The following RNF150 variants were observed in gnomAD, a reference collection of about 807,000 sequenced individuals.
The protein encoded by RNF150 is ring finger protein 150.
In RNF150, 24 loss-of-function variants were observed where a neutral mutation model predicts 39.3. The ratio of observed to expected loss-of-function variants is 0.61; its 90% CI spans 0.44 to 0.86. RNF150 has a LOEUF of 0.86. Among genes scored for constraint, RNF150 ranks in the 40% least tolerant of loss-of-function variants. The pLI, the probability that RNF150 is intolerant of heterozygous loss-of-function variation, is 0.00. For synonymous variants in RNF150, 255 were observed against 227.3 expected (o/e 1.12, Z -1.10); for missense variants, 502 against 587.8 (o/e 0.85, Z 1.51).
chr4:140,925,668 G>A (rs906374155), intron 5 of RNF150, among the ~76,000 whole-genome samples: 1 of 152,256 alleles, frequency 6.6e-6, no homozygotes, highest in South Asian at 2.1e-4. Context: ...CTGGCCCGGG[G>A]TGTATCTGCT....
intron 6 of RNF150, among the ~76,000 whole-genome samples, chr4:140,905,581 T>G (rs957444304): frequency 1.3e-5 from 2 of 152,112 alleles, no homozygotes; most frequent in Non-Finnish European, 2.9e-5. Flanking sequence ...GTAAAGAAAT[T>G]GTCAATGAAC....
At position 140,931,922 on chromosome 4, in the gene RNF150, C is replaced by T. The variant is rs981610793; in HGVS notation, c.891-5849G>A. On this transcript the variant is annotated intron_variant, in intron 4 of 6. Transcript: ENST00000515673. ...TTCTTGTTTTCTGCTGTTCTTTCACCTATATGTGTGATTCCCTCCCCAATT... is the reference window on the plus strand; with the variant it reads ...TTCTTGTTTTCTGCTGTTCTTTCACTTATATGTGTGATTCCCTCCCCAATT... 3.9e-5 allele frequency among the ~76,000 whole-genome samples: 6 copies of T among 152,154 alleles called. No individual in the cohort carries two copies. In the East Asian group the frequency reaches 7.7e-4, roughly 20 times the overall value.
chr4:141,059,918 A>C (rs1324329959), intron 1 of RNF150, among the ~76,000 whole-genome samples: 1 of 152,162 alleles, frequency 6.6e-6, no homozygotes, highest in Admixed American at 6.5e-5. Flanking sequence ...TAAAACTCTA[A>C]ATATATACTT....
intron 1 of RNF150, among the ~76,000 whole-genome samples, chr4:141,064,290 G>A (rs912733124): frequency 8.5e-4 from 130 of 152,258 alleles, no homozygotes; most frequent in African/African-American, 3.0e-3. Flanking sequence ...GTAAGAAAAC[G>A]TACACTACTC....
chr4:141,190,190 G>T (rs1185626760), intron 1 of RNF150, among the ~76,000 whole-genome samples: 2 of 152,054 alleles, frequency 1.3e-5, no homozygotes, highest in Non-Finnish European at 1.5e-5. Flanking sequence ...GATGAACCAG[G>T]TACCTCAGTT....
At chr4:140,904,790 T>C (rs1730315743) in intron 6 of RNF150, among the ~76,000 whole-genome samples, 1 of 152,222 alleles carries the variant, frequency 6.6e-6, no homozygotes, top group African/African-American at 2.4e-5. Context: ...CTTGTTTTCC[T>C]GTTCGGGGTG....
At chr4:141,203,117 A>G (rs1220289270) in intron 1 of RNF150, among the ~76,000 whole-genome samples, 2 of 143,910 alleles carry the variant, frequency 1.4e-5, no homozygotes, top group Non-Finnish European at 3.0e-5. Context: ...GACGATATAT[A>G]TATCTTGGAG....
intron 1 of RNF150, among the ~76,000 whole-genome samples, chr4:140,971,236 C>A (rs925965901): frequency 6.6e-6 from 1 of 151,770 alleles, no homozygotes; most frequent in South Asian, 2.1e-4. Context: ...CTAGGATATG[C>A]TTTGCTTCTG....
At chr4:141,086,027 TACACACAC>T (rs10527153) in intron 1 of RNF150, among the ~76,000 whole-genome samples, 16,033 of 139,966 alleles carry the variant, frequency 0.11, 980 homozygotes, top group Middle Eastern at 0.22. Context: ...TGAGAAGAGT[TACACACAC>T]ACACACACAC....
intron 1 of RNF150, among the ~76,000 whole-genome samples, chr4:141,039,911 G>A (rs930897429): frequency 3.9e-5 from 6 of 152,186 alleles, no homozygotes; most frequent in African/African-American, 1.2e-4. Context: ...GAAGAAGCAC[G>A]TTGAGCCAAT....
At chr4:141,116,154 T>C (rs1739542629) in intron 1 of RNF150, among the ~76,000 whole-genome samples, 1 of 152,022 alleles carries the variant, frequency 6.6e-6, no homozygotes, top group African/African-American at 2.4e-5. Context: ...AATCTAACCA[T>C]ACTAAAGAGT....
At chr4:141,197,630 G>A (rs1329980103) in intron 1 of RNF150, among the ~76,000 whole-genome samples, 1 of 152,118 alleles carries the variant, frequency 6.6e-6, no homozygotes, top group Non-Finnish European at 1.5e-5. Context: ...TGTAATCCCA[G>A]CACTTTGGGA....
chr4:141,042,661 A>G (rs959056759), intron 1 of RNF150, among the ~76,000 whole-genome samples: 1 of 152,292 alleles, frequency 6.6e-6, no homozygotes, highest in Admixed American at 6.5e-5. Flanking sequence ...ACTAGAATAT[A>G]TAAGTTGAAC....
chr4:141,058,250 TAAAG>T (rs1737068406), intron 1 of RNF150, among the ~76,000 whole-genome samples: 1 of 146,904 alleles, frequency 6.8e-6, no homozygotes, highest in East Asian at 2.2e-4. Context: ...GGAAAATACA[TAAAG>T]AAAGAAGGGT....
chr4:141,130,772 AAAG>A (rs1183405854), intron 1 of RNF150, among the ~76,000 whole-genome samples: 5 of 152,238 alleles, frequency 3.3e-5, no homozygotes, highest in Non-Finnish European at 7.3e-5. Context: ...ATGTTTATCT[AAAG>A]ATGCTTTACA....
Position 140,947,716 on chromosome 4 carries a change from GT to G in RNF150, c.827del (p.Asp276AlafsTer35). 2.5e-6 allele frequency: 4 copies of G among 1,597,606 alleles called. No homozygotes were observed. Among genetic ancestry groups the G allele is most frequent in the Non-Finnish European group, 3.4e-6 (4 of 1,173,732 alleles). On this transcript the variant is annotated frameshift_variant, in exon 4 of 7. Transcript: ENST00000515673. LOFTEE classifies it high-confidence loss of function. ...ACCCTTCAATACAAACTGCACAGTT[GT>G]CAAAATCAGACTCTGTTTCCTGCAA... Reference protein sequence around the residue: ...KGDKETESDFDNCAVCIEGYK... With the variant: ...KGDKETESDFXNCAVCIEGYK...
At chr4:141,063,717 C>A (rs111777636) in intron 1 of RNF150, among the ~76,000 whole-genome samples, 1 of 152,102 alleles carries the variant, frequency 6.6e-6, no homozygotes, top group African/African-American at 2.4e-5. Flanking sequence ...GAACATACTA[C>A]GCACAAATTA....
chr4:140,956,633 C>T (rs1184753054), intron 2 of RNF150, among the ~76,000 whole-genome samples: 1 of 152,114 alleles, frequency 6.6e-6, no homozygotes, highest in Non-Finnish European at 1.5e-5. Context: ...AATAAAAGAT[C>T]ACACTACCTG....
chr4:140,952,083 C>T (rs1732563088), intron 2 of RNF150, among the ~76,000 whole-genome samples: 2 of 151,996 alleles, frequency 1.3e-5, no homozygotes, highest in Admixed American at 1.3e-4. Context: ...GATCTCGGCT[C>T]ACTGCAACCT....
Sources: allele counts gnomAD v4.1 joint callset (sites outside exome capture counted in the v4.1 genomes callset), GRCh38; gene constraint gnomAD v4.1.1; transcripts MANE v1.5; gene names NCBI Gene and HGNC (gene_info 2026-07-23, HGNC 2026-07-21).